Variants in RINL observed in about 807,000 individuals in gnomAD.
RINL encodes ras and Rab interactor-like protein.
In RINL, 39 loss-of-function variants were observed where a neutral mutation model predicts 58.1. The observed-to-expected ratio is 0.67, with a 90% CI of 0.52 to 0.88. The LOEUF (loss-of-function observed/expected upper bound fraction) is 0.88, where lower values mean the gene tolerates loss of function less well. Among genes scored for constraint, RINL ranks in the 40% least tolerant of loss-of-function variants. The pLI is 0.00. For missense variants in RINL, 711 were observed against 749.2 expected, an observed-to-expected ratio of 0.95 and a Z score of 0.60; for synonymous variants, 286 against 323.1, an observed-to-expected ratio of 0.89 and a Z score of 1.23.
At position 38,869,884 on chromosome 19, in the gene RINL, C is replaced by G. The variant is rs1014480202; in HGVS notation, c.1342+59G>C. The G allele has an allele frequency of 1.0e-5, 16 of 1,541,876 alleles. No individual in the cohort carries two copies. In the East Asian group the frequency reaches 3.9e-4, roughly 37 times the overall value. On this transcript the variant is annotated intron_variant, in intron 9 of 11. Coordinates refer to ENST00000591812, the MANE Select transcript of RINL (RefSeq NM_001195833.2). This position sits in a 1 kb window ranked among gnomAD's most constrained non-coding sequence, Gnocchi z 5.7. The stretch of plus-strand genomic sequence containing the variant: ...TCCTCCCACCAGTGCTACCCTCTCC[C>G]GCCTGGCTCCAACTCTCAAGGCTCT...
rs2145474566 is a variant in RINL, at chr19:38,870,506, C to A, written c.1024+64G>T. 6.8e-7 allele frequency: 1 copy of A among 1,480,784 alleles called. No homozygotes were observed. Among genetic ancestry groups the A allele is most frequent in the East Asian group, 2.4e-5 (1 of 42,172 alleles). The allele number at this position is 1,480,784 out of a possible 1,614,324, so 91.7% of individuals were successfully genotyped here. A position where few individuals can be genotyped will look rare whatever the true frequency, so the allele number is the denominator to read the frequency against. ...GGGTGCAGAAGGAAACGTGTGCGCACCGATGGAGAGGACGAAGTTGCACAC... is the reference window on the plus strand; with the variant it reads ...GGGTGCAGAAGGAAACGTGTGCGCAACGATGGAGAGGACGAAGTTGCACAC... On this transcript the variant is annotated intron_variant, in intron 8 of 11. Transcript: ENST00000591812. The surrounding 1 kb of genome is among the most constrained non-coding windows in gnomAD (Gnocchi z 5.8).
rs1244919008 is a variant in RINL at position 38,870,433 on chromosome 19, G to A, written c.1024+137C>T. 1 of 1,107,110 alleles carries A rather than the reference G, an allele frequency of 9.0e-7. No individual in the cohort carries two copies. The highest frequency in any genetic ancestry group is 1.6e-5 in the African/African-American group (1 of 63,398). The allele number at this position is 1,107,110 out of a possible 1,614,324, so 68.6% of individuals were successfully genotyped here. Reference sequence around the variant, plus strand: ...AGAGTTAGCCTGGGTGTGAACTTGCGCGCATACGTGGGCGATAGAACGCGT... The same window carrying A: ...AGAGTTAGCCTGGGTGTGAACTTGCACGCATACGTGGGCGATAGAACGCGT... On this transcript the variant is annotated intron_variant, in intron 8 of 11. Coordinates refer to ENST00000591812, the MANE Select transcript of RINL (RefSeq NM_001195833.2). This position sits in a 1 kb window ranked among gnomAD's most constrained non-coding sequence, Gnocchi z 5.8.
chr19:38,873,674 C>T (rs1184540630), intron 4 of RINL: 5 of 429,420 alleles, frequency 1.2e-5, no homozygotes, highest in South Asian at 2.6e-5. Context: ...TACAGTCGCG[C>T]GTCACCAAGC....
At chr19:38,871,986 G>A (rs1972826115) in intron 4 of RINL, 116 bp from the exon 5 acceptor site, 2 of 772,536 alleles carry the variant, frequency 2.6e-6, no homozygotes, top group Admixed American at 4.1e-5. Flanking sequence ...CTTCAGAACA[G>A]GGAAGTTCCC....
At chr19:38,876,170 C>T (rs1336668832) in intron 3 of RINL, among the ~76,000 whole-genome samples, 161 bp downstream of exon 3, 2 of 152,034 alleles carry the variant, frequency 1.3e-5, no homozygotes, top group Non-Finnish European at 2.9e-5. Flanking sequence ...AATGATCCTC[C>T]CACCTCAGCC....
At chr19:38,871,277 C>T (rs77507541) in intron 6 of RINL, 50 bp from the exon 7 acceptor site, 23 of 1,599,218 alleles carry the variant, frequency 1.4e-5, no homozygotes, top group Non-Finnish European at 1.6e-5. Context: ...AGGGACCAAC[C>T]CTGGTCCCCT....
Position 38,869,738 on chromosome 19 carries a change from TC to T in RINL, c.1343-35del. On this transcript the variant is annotated intron_variant, in intron 9 of 11. Coordinates refer to ENST00000591812, the MANE Select transcript of RINL (RefSeq NM_001195833.2). The surrounding 1 kb of genome is among the most constrained non-coding windows in gnomAD (Gnocchi z 5.7). ...ACCAGAGGAAAGGTCTTGAGATGGATCCCCATCTCAAGGCGCGTAGACACCT... is the reference window on the plus strand; with the variant it reads ...ACCAGAGGAAAGGTCTTGAGATGGATCCCATCTCAAGGCGCGTAGACACCT... 5 of 1,611,394 alleles carry T rather than the reference TC, an allele frequency of 3.1e-6. No individual in the cohort carries two copies. The highest frequency in any genetic ancestry group is 4.2e-6 in the Non-Finnish European group (5 of 1,178,884).
chr19:38,876,226 T>C (rs1024097986), intron 3 of RINL, 105 bp downstream of exon 3: 12 of 1,157,796 alleles, frequency 1.0e-5, no homozygotes, highest in South Asian at 7.6e-5. Flanking sequence ...CACCCAGCAA[T>C]AAATAGCCTT....
chr19:38,876,184 T>G, intron 3 of RINL, 147 bp downstream of exon 3: 1 of 720,552 alleles, frequency 1.4e-6, no homozygotes, highest in South Asian at 1.9e-5. Flanking sequence ...CTCAGCCTCA[T>G]GAGTAGCTAG....
intron 3 of RINL, among the ~76,000 whole-genome samples, chr19:38,874,312 G>T (rs994262372): frequency 6.6e-6 from 1 of 151,306 alleles, no homozygotes; most frequent in East Asian, 1.9e-4. Context: ...TTGCCCTGTC[G>T]CCCAGGCTGG....
intron 3 of RINL, 69 bp from the exon 4 acceptor site, chr19:38,874,057 G>C: frequency 2.1e-6 from 2 of 948,972 alleles, no homozygotes; most frequent in Non-Finnish European, 3.2e-6. Flanking sequence ...TGCCTGACTA[G>C]CATCCATTTC....
chr19:38,869,379 C>T lies in RINL; in HGVS notation c.1506G>A (p.Ala502=), dbSNP rs1447922472. 4 of 1,609,548 alleles carry T rather than the reference C, an allele frequency of 2.5e-6. No homozygotes were observed. Among genetic ancestry groups the T allele is most frequent in the East Asian group, 2.2e-5 (1 of 44,784 alleles). ...AGYYLTTWFG[A]LHHIAHYQPE... ...GCTGGTAGTGGGCAATGTGGTGCAG[C>T]GCCCCAAACCACGTGGTCAGGTAGT... Residue 502 remains alanine, a synonymous_variant, in exon 11 of 12, where the codon GCG becomes GCA. Transcript: ENST00000591812. The surrounding 1 kb of genome is among the most constrained non-coding windows in gnomAD (Gnocchi z 5.7).
In RINL at chr19:38,868,070, C is replaced by T. The variant is rs778219907; in HGVS notation, c.*1034G>A. On this transcript the variant is annotated 3_prime_UTR_variant, in exon 12 of 12. Transcript: ENST00000591812. ...CAAGCCATTCTCCTGCCTTAGCCTC[C>T]GGAGTAGCTGGGATTACAGGCATGC... 5.3e-5 allele frequency: 8 copies of T among 152,146 alleles called. No individual in the cohort carries two copies. The highest frequency in any genetic ancestry group is 7.2e-5 in the African/African-American group (3 of 41,426). The allele number at this position is 152,146 out of a possible 1,614,324, so 9.4% of individuals were successfully genotyped here. A position where few individuals can be genotyped will look rare whatever the true frequency, so the allele number is the denominator to read the frequency against.
In RINL at chr19:38,873,938, T is replaced by G. The variant is rs1451847042; in HGVS notation, c.261A>C (p.Ser87=). 2 of 1,535,880 alleles carry G rather than the reference T, an allele frequency of 1.3e-6. No individual in the cohort carries two copies. The highest frequency in any genetic ancestry group is 1.7e-6 in the Non-Finnish European group (2 of 1,146,824). The change falls in exon 4 of 12, where the codon TCA becomes TCC. Residue 87 remains serine (S), a synonymous_variant. Coordinates refer to ENST00000591812, the MANE Select transcript of RINL (RefSeq NM_001195833.2). ...TATTGACTTCTCCTGGTAAAGGTCC[T>G]GACCTCAACACCAGGGCCTGGCTGG... The part of the protein sequence containing the change: ...RDPSQALVLR[S]GPLPGEVNTY...
chr19:38,869,143 T>A lies in RINL; in HGVS notation c.1662A>T (p.Pro554=). 2 of 1,613,730 alleles carry A rather than the reference T, an allele frequency of 1.2e-6. No homozygotes were observed. Among genetic ancestry groups the A allele is most frequent in the Non-Finnish European group, 1.7e-6 (2 of 1,179,750 alleles). ...TCCCTGTCACAGTCTCTTCTGCCCA[T>A]GGCTCCTTAAAGGGCAGGTTGGCCT... ...RAQANLPFKE[P]WAEETVTGTS... The change falls in exon 12 of 12, where the codon CCA becomes CCT. Residue 554 remains proline (P), a synonymous_variant. Transcript: ENST00000591812. The surrounding 1 kb of genome is among the most constrained non-coding windows in gnomAD (Gnocchi z 5.7).
intron 1 of RINL, 58 bp from the exon 2 acceptor site, chr19:38,876,839 T>A: frequency 1.0e-6 from 1 of 982,696 alleles, no homozygotes; most frequent in South Asian, 1.4e-5. Context: ...ATGTTCAAGA[T>A]ATTTACAATC....
chr19:38,876,937 G>A (rs1568390308), intron 1 of RINL, among the ~76,000 whole-genome samples, 156 bp from the exon 2 acceptor site: 2 of 152,160 alleles, frequency 1.3e-5, no homozygotes, highest in South Asian at 2.1e-4. Flanking sequence ...TTTTTGAGAC[G>A]GAGTCTCACT....
At position 38,876,778 on chromosome 19, in the gene RINL, G is replaced by A. The variant is rs1243762640; in HGVS notation, c.-36C>T. On this transcript the variant is annotated 5_prime_UTR_variant, in exon 2 of 12. Transcript: ENST00000591812. The stretch of plus-strand genomic sequence containing the variant: ...CAGGAAGCCAGTGAGTCATGACCTG[G>A]CCTCTGGCAGGGAGAAAGGTAAGAC... The A allele has an allele frequency of 6.6e-7, 1 of 1,520,128 alleles. No individual in the cohort carries two copies. The highest frequency in any genetic ancestry group is 1.4e-5 in the African/African-American group (1 of 72,832). 94.2% of individuals were successfully genotyped at this position (1,520,128 alleles called of 1,614,324 possible). A position where few individuals can be genotyped will look rare whatever the true frequency, so the allele number is the denominator to read the frequency against.
At chr19:38,877,462 T>A (rs1388010992) in intron 1 of RINL, among the ~76,000 whole-genome samples, 1 of 152,116 alleles carries the variant, frequency 6.6e-6, no homozygotes, top group Non-Finnish European at 1.5e-5. Flanking sequence ...GGAAAGGTAA[T>A]AACATCCCCT....
Sources: allele counts gnomAD v4.1 joint callset (sites outside exome capture counted in the v4.1 genomes callset), GRCh38; gene constraint gnomAD v4.1.1; non-coding constraint Gnocchi (gnomAD v3.1); transcripts MANE v1.5; gene names NCBI Gene and HGNC (gene_info 2026-07-23, HGNC 2026-07-21).